Variants in CEP128 observed in about 807,000 individuals in gnomAD.
CEP128 encodes the protein centrosomal protein 128kDa.
A neutral mutation model predicts 156.7 loss-of-function variants in CEP128; 132 were observed. The ratio of observed to expected loss-of-function variants is 0.84; its 90% CI spans 0.73 to 0.97. The LOEUF is 0.97. Among genes scored for constraint, CEP128 ranks in the 50% least tolerant of loss-of-function variants. CEP128 has a pLI of 0.00. For missense variants in CEP128, 1,252 were observed against 1,281.9 expected (o/e 0.98, Z 0.36); for synonymous variants, 469 against 448.9 (o/e 1.04, Z -0.57).
At chr14:80,648,400 T>C (rs1388627055) in intron 19 of CEP128, among the ~76,000 whole-genome samples, 2 of 152,152 alleles carry the variant, frequency 1.3e-5, no homozygotes, top group African/African-American at 4.8e-5. Context: ...TTACAAATCA[T>C]AGCCTAAACT....
chr14:80,928,650 G>A (rs186210315), intron 2 of CEP128, among the ~76,000 whole-genome samples: 1 of 152,232 alleles, frequency 6.6e-6, no homozygotes, highest in East Asian at 1.9e-4. Context: ...ATGGAATTAT[G>A]TAAAATGGCC....
At position 80,703,666 on chromosome 14, in the gene CEP128, T is replaced by A. The variant is rs539622003; in HGVS notation, c.2806+39409A>T. Reference sequence around the variant, plus strand: ...AATAGAGATCACTTCTATCTTTTGCTCACTTTCTCCCAATGGTGCCATTTT... The same window carrying A: ...AATAGAGATCACTTCTATCTTTTGCACACTTTCTCCCAATGGTGCCATTTT... On this transcript the variant is annotated intron_variant, in intron 19 of 24. Coordinates refer to ENST00000555265, the MANE Select transcript of CEP128 (RefSeq NM_152446.5). 1.5e-3 allele frequency among the ~76,000 whole-genome samples: 232 copies of A among 152,248 alleles called. 1 individual carries two copies. Among genetic ancestry groups the A allele is most frequent in the African/African-American group, 5.3e-3 (222 of 41,568 alleles).
At chr14:80,525,510 T>G (rs1888934528) in intron 23 of CEP128, among the ~76,000 whole-genome samples, 1 of 152,194 alleles carries the variant, frequency 6.6e-6, no homozygotes, top group Non-Finnish European at 1.5e-5. Flanking sequence ...AATCATTAGC[T>G]CTCATAGCCT....
At chr14:80,944,095 C>A (rs1308342871), upstream of CEP128, among the ~76,000 whole-genome samples, 1 of 151,758 alleles carries the variant, frequency 6.6e-6, no homozygotes, top group East Asian at 1.9e-4. Flanking sequence ...ATGAGTTAAA[C>A]CAACAAAATA....
intron 7 of CEP128, among the ~76,000 whole-genome samples, chr14:80,897,277 A>G (rs1327593024): frequency 6.6e-6 from 1 of 152,034 alleles, no homozygotes; most frequent in African/African-American, 2.4e-5. Context: ...AGCTCCTTCT[A>G]TCATAAGATT....
At chr14:80,650,247 G>A (rs1366977357) in intron 19 of CEP128, among the ~76,000 whole-genome samples, 2 of 152,120 alleles carry the variant, frequency 1.3e-5, no homozygotes, top group Non-Finnish European at 2.9e-5. Flanking sequence ...GAATGCTTGT[G>A]CTTTTTGCAA....
At chr14:80,743,915 G>A (rs983464916) in intron 18 of CEP128, among the ~76,000 whole-genome samples, 6 of 148,938 alleles carry the variant, frequency 4.0e-5, no homozygotes, top group Admixed American at 2.0e-4. Flanking sequence ...TCTGTCGCCC[G>A]GGATAGAGTA....
chr14:80,651,503 G>T (rs889089922), intron 19 of CEP128, among the ~76,000 whole-genome samples: 1 of 152,052 alleles, frequency 6.6e-6, no homozygotes, highest in African/African-American at 2.4e-5. Flanking sequence ...TTTTAATTGT[G>T]ATGTTAGGGT....
intron 8 of CEP128, among the ~76,000 whole-genome samples, chr14:80,873,728 T>C (rs1389712513): frequency 6.6e-6 from 1 of 152,164 alleles, no homozygotes; most frequent in Non-Finnish European, 1.5e-5. Context: ...ACTCCCACAA[T>C]TCCCACGTGT....
chr14:80,537,287 T>C (rs1293243921), intron 21 of CEP128, among the ~76,000 whole-genome samples: 1 of 152,210 alleles, frequency 6.6e-6, no homozygotes, highest in Non-Finnish European at 1.5e-5. Flanking sequence ...ATCTTACTAT[T>C]AGCTTAAAAA....
At chr14:80,857,786 T>C (rs1887276486) in intron 9 of CEP128, among the ~76,000 whole-genome samples, 1 of 149,818 alleles carries the variant, frequency 6.7e-6, no homozygotes, top group African/African-American at 2.4e-5. Flanking sequence ...ATGAATTGAA[T>C]TAGTAAAGTT....
chr14:80,762,488 GA>G (rs1900021201), intron 16 of CEP128, among the ~76,000 whole-genome samples: 1 of 150,924 alleles, frequency 6.6e-6, no homozygotes, highest in Non-Finnish European at 1.5e-5. Flanking sequence ...AACCTGAACT[GA>G]AAAAAAATAA....
chr14:80,727,527 G>C (rs1180516467), intron 19 of CEP128, among the ~76,000 whole-genome samples: 2 of 152,078 alleles, frequency 1.3e-5, no homozygotes, highest in African/African-American at 2.4e-5. Flanking sequence ...ACATTGACAA[G>C]TTGGACCTAA....
intron 16 of CEP128, among the ~76,000 whole-genome samples, chr14:80,774,051 G>GA (rs1900655383): frequency 6.6e-6 from 1 of 152,082 alleles, no homozygotes; most frequent in South Asian, 2.1e-4. Context: ...TCAGATGTTA[G>GA]AAAAAATGCA....
At chr14:80,874,833 T>C (rs1037711664) in intron 8 of CEP128, among the ~76,000 whole-genome samples, 17 of 152,178 alleles carry the variant, frequency 1.1e-4, no homozygotes, top group Non-Finnish European at 2.2e-4. Flanking sequence ...TTAGCCAGGA[T>C]GGTCTCGATC....
At position 80,903,393 on chromosome 14, in the gene CEP128, C is replaced by T. The variant is rs146843241; in HGVS notation, c.480+1420G>A. On this transcript the variant is annotated intron_variant, in intron 6 of 24. Coordinates refer to ENST00000555265, the MANE Select transcript of CEP128 (RefSeq NM_152446.5). ...AAATATAAGACCTGAAACTGTAAAA[C>T]CACTAGAAGAAAACATAGGCAAAAA... Among the ~76,000 whole-genome samples the T allele has an allele frequency of 1.8e-4, 27 of 152,048 alleles. 1 individual carries two copies. The highest frequency in any genetic ancestry group is 6.5e-4 in the African/African-American group (27 of 41,476).
intron 16 of CEP128, among the ~76,000 whole-genome samples, chr14:80,776,700 C>T (rs1900813157): frequency 6.6e-6 from 1 of 151,830 alleles, no homozygotes; most frequent in Non-Finnish European, 1.5e-5. Flanking sequence ...ATTTAAGTAA[C>T]CCTGATTGAG....
chr14:80,840,888 T>C, intron 9 of CEP128, 120 bp from the exon 10 acceptor site: 1 of 652,148 alleles, frequency 1.5e-6, no homozygotes, highest in South Asian at 1.9e-5. Flanking sequence ...ACAAAATCTA[T>C]AAATTACAGT....
At chr14:80,707,457 T>C (rs1196645483) in intron 19 of CEP128, among the ~76,000 whole-genome samples, 2 of 152,190 alleles carry the variant, frequency 1.3e-5, no homozygotes, top group Non-Finnish European at 2.9e-5. Context: ...TAAATATTTA[T>C]ACCTGATCAG....
Sources: gnomAD v4.1 joint callset for allele counts (sites outside exome capture counted in the v4.1 genomes callset) on GRCh38, gnomAD v4.1.1 for gene constraint, MANE v1.5 for transcripts, NCBI Gene and HGNC (gene_info 2026-07-23, HGNC 2026-07-21) for gene names.